The following PCDHGB4 variants were observed in gnomAD, a reference collection of about 807,000 sequenced individuals.
PCDHGB4 encodes the protein protocadherin gamma-B4.
PCDHGB4 carries 38 observed loss-of-function variants against 60.5 expected under a neutral mutation model. That is an observed-to-expected ratio of 0.63 (90% CI 0.48 to 0.82). PCDHGB4 has a LOEUF of 0.82. Among genes scored for constraint, PCDHGB4 ranks in the 40% least tolerant of loss-of-function variants. The probability of loss-of-function intolerance (pLI) is 0.00; values close to 1 mark genes in which losing one functional copy is unlikely to be tolerated. For synonymous variants in PCDHGB4, 456 were observed against 509.7 expected (o/e 0.89, Z 1.42); for missense variants, 1,109 against 1,209.6 (o/e 0.92, Z 1.23).
At chr5:141,413,687 T>A (rs1470256826) in intron 1 of PCDHGB4, 5 of 1,613,666 alleles carry the variant, frequency 3.1e-6, no homozygotes, top group Non-Finnish European at 3.4e-6. Flanking sequence ...GTGAACTCCC[T>A]GCAGAGCTAT....
chr5:141,399,165 T>C (rs1423083245), intron 1 of PCDHGB4: 1 of 1,613,774 alleles, frequency 6.2e-7, no homozygotes, highest in South Asian at 1.1e-5. Context: ...TTACATTCCA[T>C]TCTCTACTTG....
At position 141,413,701 on chromosome 5, in the gene PCDHGB4, C is replaced by T. The variant is rs764950275; in HGVS notation, c.2397+23420C>T. 1.1e-4 allele frequency: 177 copies of T among 1,613,654 alleles called. No individual in the cohort carries two copies. The Admixed American group carries it at 2.9e-3, about 27-fold the overall frequency. On this transcript the variant is annotated intron_variant, in intron 1 of 3. Coordinates refer to ENST00000519479, the MANE Select transcript of PCDHGB4 (RefSeq NM_003736.4). ...CGTGAACTCCCTGCAGAGCTATCAG[C>T]TCAGCCCCAATAAGCACTTCTCCCT...
chr5:141,506,737 C>T (rs893758261), intron 3 of PCDHGB4, among the ~76,000 whole-genome samples: 5 of 152,076 alleles, frequency 3.3e-5, no homozygotes, highest in African/African-American at 1.2e-4. Flanking sequence ...AGAATAATGC[C>T]TATTAATAAA....
At position 141,490,118 on chromosome 5, in the gene PCDHGB4, T is replaced by G. The variant is rs1448768968; in HGVS notation, c.2398-4689T>G. The G allele has an allele frequency of 6.2e-7, 1 of 1,614,158 alleles. No individual in the cohort carries two copies. Among genetic ancestry groups the G allele is most frequent in the Non-Finnish European group, 8.5e-7 (1 of 1,180,048 alleles). On this transcript the variant is annotated intron_variant, in intron 1 of 3. Transcript: ENST00000519479. This position sits in a 1 kb window ranked among gnomAD's most constrained non-coding sequence, Gnocchi z 5.4. ...ACATCTGAGGCAGTGCGGAACCTCT[T>G]TGGCCTAGACCCTAGCAGTGGGGCA...
rs35224477 is a variant in PCDHGB4, at chr5:141,464,263, TA to T, written c.2398-30530del. On this transcript the variant is annotated intron_variant, in intron 1 of 3. Coordinates refer to ENST00000519479, the MANE Select transcript of PCDHGB4 (RefSeq NM_003736.4). ...CTGGGCTACAGAGCGAGACTCCGTC[TA>T]AAAAAAAAAAAAAGCAAAAAAAAAA... Among the ~76,000 whole-genome samples, 390 of 103,506 alleles carry T rather than the reference TA, an allele frequency of 3.8e-3. 1 individual carries two copies. Among genetic ancestry groups the T allele is most frequent in the Admixed American group, 4.7e-3 (45 of 9,486 alleles). 67.9% of individuals were successfully genotyped at this position (103,506 alleles called of 152,430 possible). A position where few individuals can be genotyped will look rare whatever the true frequency, so the allele number is the denominator to read the frequency against.
chr5:141,427,370 G>A (rs915167509), intron 1 of PCDHGB4: 17 of 457,836 alleles, frequency 3.7e-5, no homozygotes, highest in African/African-American at 2.4e-4. Flanking sequence ...AACCCTGGAC[G>A]GTGATCACTC....
intron 1 of PCDHGB4, chr5:141,408,379 G>C: frequency 6.2e-7 from 1 of 1,614,032 alleles, no homozygotes; most frequent in South Asian, 1.1e-5. Context: ...TCAGTGTCCT[G>C]GATGTGTCGG....
In PCDHGB4 at chr5:141,413,327, A is replaced by T. The variant is rs200027912; in HGVS notation, c.2397+23046A>T. ...TTAGAGAAAGGCTCTTTCGTGGGCA[A>T]CATCTCCAAGGACTTGGGTCTGGCG... On this transcript the variant is annotated intron_variant, in intron 1 of 3. Transcript: ENST00000519479. The T allele has an allele frequency of 2.6e-4, 421 of 1,613,984 alleles. 1 individual carries two copies. The highest frequency in any genetic ancestry group is 1.1e-3 in the South Asian group (96 of 91,090).
chr5:141,489,530 G>A lies in PCDHGB4; in HGVS notation c.2398-5277G>A. 6.2e-7 allele frequency: 1 copy of A among 1,614,092 alleles called. No homozygotes were observed. Among genetic ancestry groups the A allele is most frequent in the Non-Finnish European group, 8.5e-7 (1 of 1,180,022 alleles). On this transcript the variant is annotated intron_variant, in intron 1 of 3. Transcript: ENST00000519479. This position sits in a 1 kb window ranked among gnomAD's most constrained non-coding sequence, Gnocchi z 4.5. ...AAGATTGACCGAGAAAGCCTATGTGGAGCCAGCACCAGCTGCCTGCTGCCA... is the reference window on the plus strand; with the variant it reads ...AAGATTGACCGAGAAAGCCTATGTGAAGCCAGCACCAGCTGCCTGCTGCCA...
At chr5:141,507,676 A>G (rs2099862523) in intron 3 of PCDHGB4, among the ~76,000 whole-genome samples, 1 of 152,252 alleles carries the variant, frequency 6.6e-6, no homozygotes, top group African/African-American at 2.4e-5. Flanking sequence ...TCCAGATGTT[A>G]AAAACAGAAA....
intron 1 of PCDHGB4, among the ~76,000 whole-genome samples, chr5:141,472,555 A>T (rs1360460094): frequency 6.6e-6 from 1 of 152,024 alleles, no homozygotes; most frequent in South Asian, 2.1e-4. Flanking sequence ...AAAAAAAATT[A>T]TATTATAAAT....
At chr5:141,484,789 A>T (rs1215899787) in intron 1 of PCDHGB4, among the ~76,000 whole-genome samples, 1 of 152,132 alleles carries the variant, frequency 6.6e-6, no homozygotes, top group Non-Finnish European at 1.5e-5. Flanking sequence ...CCACAGAGAT[A>T]ACAACCCGTG....
rs1386904017 is a variant in PCDHGB4 at position 141,476,642 on chromosome 5, CG to C, written c.2398-18164del. On this transcript the variant is annotated intron_variant, in intron 1 of 3. Coordinates refer to ENST00000519479, the MANE Select transcript of PCDHGB4 (RefSeq NM_003736.4). The surrounding 1 kb of genome is among the most constrained non-coding windows in gnomAD (Gnocchi z 7.6). ...CTCTTTACAAACCTATGAGCTGAGC[CG>C]AAATGAATACTTTGCGCTTCGCGTG... The C allele has an allele frequency of 2.5e-6, 4 of 1,614,240 alleles. No homozygotes were observed.
At position 141,486,368 on chromosome 5, in the gene PCDHGB4, T is replaced by C. The variant is rs1217513529; in HGVS notation, c.2398-8439T>C. 6.2e-7 allele frequency: 1 copy of C among 1,614,014 alleles called. No homozygotes were observed. Among genetic ancestry groups the C allele is most frequent in the Non-Finnish European group, 8.5e-7 (1 of 1,180,000 alleles). On this transcript the variant is annotated intron_variant, in intron 1 of 3. Coordinates refer to ENST00000519479, the MANE Select transcript of PCDHGB4 (RefSeq NM_003736.4). This position sits in a 1 kb window ranked among gnomAD's most constrained non-coding sequence, Gnocchi z 5.0. ...TGACCACTTGCCATTTGCCCTCAAGTCTGCCTTCAGGAACCAGTTCTCCCT... is the reference window on the plus strand; with the variant it reads ...TGACCACTTGCCATTTGCCCTCAAGCCTGCCTTCAGGAACCAGTTCTCCCT...
At chr5:141,506,188 C>A (rs925159785) in intron 3 of PCDHGB4, among the ~76,000 whole-genome samples, 1 of 152,058 alleles carries the variant, frequency 6.6e-6, no homozygotes, top group Non-Finnish European at 1.5e-5. Flanking sequence ...TGGTGGCTCA[C>A]GCCTGTAATC....
Position 141,487,673 on chromosome 5 carries a change from C to T in PCDHGB4, c.2398-7134C>T. On this transcript the variant is annotated intron_variant, in intron 1 of 3. Transcript: ENST00000519479. The surrounding 1 kb of genome is among the most constrained non-coding windows in gnomAD (Gnocchi z 5.0). Reference sequence around the variant, plus strand: ...GGGTTATTCTGATCCAGGCATATGGCTAGGCCATGTCCTAGAGAGTACTGG... The same window carrying T: ...GGGTTATTCTGATCCAGGCATATGGTTAGGCCATGTCCTAGAGAGTACTGG... 6.2e-7 allele frequency: 1 copy of T among 1,611,456 alleles called. No homozygotes were observed. Among genetic ancestry groups the T allele is most frequent in the East Asian group, 2.2e-5 (1 of 44,852 alleles).
Position 141,478,316 on chromosome 5 carries a change from C to T in PCDHGB4, c.2398-16491C>T, listed in dbSNP as rs776948755. ...CCTATACCGAGCCCCGGTGAGCTCA[C>T]TGTACCGAACACCAGGGCCCTCCTT... On this transcript the variant is annotated intron_variant, in intron 1 of 3. Coordinates refer to ENST00000519479, the MANE Select transcript of PCDHGB4 (RefSeq NM_003736.4). 120 of 1,613,924 alleles carry T rather than the reference C, an allele frequency of 7.4e-5. 2 individuals carry two copies. In the South Asian group the frequency reaches 1.3e-3, roughly 18 times the overall value.
chr5:141,402,704 T>C (rs1237933133), intron 1 of PCDHGB4, among the ~76,000 whole-genome samples: 1 of 152,216 alleles, frequency 6.6e-6, no homozygotes, highest in East Asian at 1.9e-4. Flanking sequence ...TCAGTGGGTG[T>C]AGTAACGGCT....
chr5:141,477,932 C>G lies in PCDHGB4; in HGVS notation c.2398-16875C>G, dbSNP rs1193822505. The G allele has an allele frequency of 3.1e-6, 5 of 1,614,040 alleles. No individual in the cohort carries two copies. The highest frequency in any genetic ancestry group is 4.2e-6 in the Non-Finnish European group (5 of 1,180,042). On this transcript the variant is annotated intron_variant, in intron 1 of 3. Transcript: ENST00000519479. This position sits in a 1 kb window ranked among gnomAD's most constrained non-coding sequence, Gnocchi z 4.9. ...CGCGGATGCAGGGCACAATGCCTGG[C>G]TCTCCTACAGTCTCTTGGGATCCCC... is the stretch of plus-strand genomic sequence containing the variant.
Sources: gnomAD v4.1 joint callset for allele counts (sites outside exome capture counted in the v4.1 genomes callset) on GRCh38, gnomAD v4.1.1 for gene constraint, Gnocchi (gnomAD v3.1) non-coding constraint, MANE v1.5 for transcripts, NCBI Gene and HGNC (gene_info 2026-07-23, HGNC 2026-07-21) for gene names.